LRP6: variants seen among roughly 807,000 people sequenced by gnomAD.
The protein encoded by LRP6 is low-density lipoprotein receptor-related protein 6.
A neutral mutation model predicts 184.1 loss-of-function variants in LRP6; 43 were observed. The observed-to-expected ratio is 0.23, with a 90% CI of 0.18 to 0.30. The LOEUF (loss-of-function observed/expected upper bound fraction) is 0.30, where lower values mean the gene tolerates loss of function less well. Among genes scored for constraint, LRP6 ranks in the 10% least tolerant of loss-of-function variants. The pLI, the probability that LRP6 is intolerant of heterozygous loss-of-function variation, is 1.00. For missense variants in LRP6, 1,571 were observed against 2,005.3 expected (o/e 0.78, Z 4.14); for synonymous variants, 719 against 684.9 (o/e 1.05, Z -0.78).
At chr12:12,221,581 G>T (rs1864490618) in intron 2 of LRP6, among the ~76,000 whole-genome samples, 1 of 152,168 alleles carries the variant, frequency 6.6e-6, no homozygotes, top group South Asian at 2.1e-4. Flanking sequence ...TCTTTCATCA[G>T]AGATTCTGAT....
intron 10 of LRP6, among the ~76,000 whole-genome samples, chr12:12,161,832 C>T (rs1045865373): frequency 2.0e-5 from 3 of 151,558 alleles, no homozygotes; most frequent in South Asian, 2.1e-4. Context: ...AACATTGTTT[C>T]GGTGGGTTTA....
chr12:12,146,501 T>C (rs1282561622), intron 15 of LRP6, among the ~76,000 whole-genome samples: 2 of 152,180 alleles, frequency 1.3e-5, no homozygotes, highest in Non-Finnish European at 2.9e-5. Flanking sequence ...GTAATTATAA[T>C]TACAGACATA....
chr12:12,132,317 T>C (rs912513550), intron 17 of LRP6, among the ~76,000 whole-genome samples: 3 of 152,180 alleles, frequency 2.0e-5, no homozygotes, highest in African/African-American at 7.2e-5. Context: ...AACAGGATTG[T>C]AATATTTGCA....
chr12:12,181,070 C>T lies in LRP6; in HGVS notation c.1346G>A (p.Arg449Gln). The T allele has an allele frequency of 6.2e-7, 1 of 1,614,070 alleles. No individual in the cohort carries two copies. Among genetic ancestry groups the T allele is most frequent in the Non-Finnish European group, 8.5e-7 (1 of 1,179,962 alleles). Residue 449 changes from arginine (R) to glutamine (Q), a missense_variant, in exon 6 of 23, where the codon CGG becomes CAG. Transcript: ENST00000261349. ...ILISEDLEEP[R>Q]AIVLDPMVGY... ...AACCATGGGATCTAACACAATAGCC[C>T]GGGGTTCCTCTAAGTCCTCTGAAAT...
intron 15 of LRP6, among the ~76,000 whole-genome samples, chr12:12,143,265 G>A (rs1949958508): frequency 6.6e-6 from 1 of 152,038 alleles, no homozygotes. Context: ...AGAAATTAAA[G>A]ATCTAAATAA....
intron 3 of LRP6, among the ~76,000 whole-genome samples, chr12:12,198,630 T>C (rs998947741): frequency 5.3e-5 from 8 of 151,312 alleles, no homozygotes; most frequent in African/African-American, 1.5e-4. Flanking sequence ...GCCTCCCGGA[T>C]TCAAGCGATT....
chr12:12,259,089 C>A (rs1405378410), intron 1 of LRP6, among the ~76,000 whole-genome samples: 10 of 152,044 alleles, frequency 6.6e-5, no homozygotes, highest in Non-Finnish European at 1.5e-5. Flanking sequence ...TGGTGAAACC[C>A]CATCTCTACT....
intron 7 of LRP6, among the ~76,000 whole-genome samples, chr12:12,170,969 A>G (rs1366021961): frequency 6.6e-6 from 1 of 152,160 alleles, no homozygotes; most frequent in Non-Finnish European, 1.5e-5. Context: ...GTCAAAAAGG[A>G]AGTATTAAGA....
In LRP6 at chr12:12,125,302, G is replaced by A. The variant is rs748625748; in HGVS notation, c.4443C>T (p.Phe1481=). 2.5e-6 allele frequency: 4 copies of A among 1,613,946 alleles called. No homozygotes were observed. Among genetic ancestry groups the A allele is most frequent in the East Asian group, 4.5e-5 (2 of 44,890 alleles). Residue 1481 remains phenylalanine (F), a synonymous_variant, in exon 21 of 23, where the codon TTC becomes TTT. Transcript: ENST00000261349. The part of the protein sequence containing the change: ...SSSSSTKGTY[F]PAILNPPPSP... ...AGGAAAACAGACTACTTACTGCAGGGAAGTAAGTGCCTTTGGTGCTTGAAG... is the reference window on the plus strand; with the variant it reads ...AGGAAAACAGACTACTTACTGCAGGAAAGTAAGTGCCTTTGGTGCTTGAAG...
At chr12:12,234,090 C>G (rs1464924423) in intron 2 of LRP6, among the ~76,000 whole-genome samples, 1 of 152,112 alleles carries the variant, frequency 6.6e-6, no homozygotes, top group Non-Finnish European at 1.5e-5. Context: ...GAGTTTGAGA[C>G]CAGCCTGACC....
intron 2 of LRP6, among the ~76,000 whole-genome samples, chr12:12,226,124 A>G (rs1396792660): frequency 6.6e-6 from 1 of 152,218 alleles, no homozygotes; most frequent in Non-Finnish European, 1.5e-5. Context: ...AGAACTGAGA[A>G]GCACTTGTGA....
At chr12:12,259,480 A>G (rs1865558206) in intron 1 of LRP6, among the ~76,000 whole-genome samples, 1 of 152,172 alleles carries the variant, frequency 6.6e-6, no homozygotes, top group Non-Finnish European at 1.5e-5. Context: ...TACAGAAACT[A>G]CAAGTTATGA....
intron 2 of LRP6, among the ~76,000 whole-genome samples, chr12:12,235,346 A>T (rs1179068814): frequency 6.6e-6 from 1 of 152,234 alleles, no homozygotes; most frequent in Non-Finnish European, 1.5e-5. Context: ...TTTTACGTAT[A>T]GCAAAGACAC....
At chr12:12,145,550 CCTCT>C (rs1195100965) in intron 15 of LRP6, among the ~76,000 whole-genome samples, 5 of 132,728 alleles carry the variant, frequency 3.8e-5, no homozygotes, top group South Asian at 3.0e-4. Context: ...TCTCTCTTTC[CCTCT>C]CTCTCTTTGT....
intron 2 of LRP6, among the ~76,000 whole-genome samples, chr12:12,238,574 C>T (rs1864980468): frequency 6.6e-6 from 1 of 152,090 alleles, no homozygotes; most frequent in Non-Finnish European, 1.5e-5. Context: ...CAATGCAATA[C>T]AGACTTAATC....
At chr12:12,257,083 T>C (rs1259991842) in intron 1 of LRP6, among the ~76,000 whole-genome samples, 1 of 152,010 alleles carries the variant, frequency 6.6e-6, no homozygotes, top group East Asian at 1.9e-4. Context: ...AGAAAGTAAA[T>C]TCATGGTTAC....
At chr12:12,146,670 T>C (rs1422279279) in intron 15 of LRP6, among the ~76,000 whole-genome samples, 1 of 152,196 alleles carries the variant, frequency 6.6e-6, no homozygotes, top group Non-Finnish European at 1.5e-5. Context: ...TTCCTACAGG[T>C]TATGAAACTA....
At chr12:12,232,705 CAAGAA>C (rs987098682) in intron 2 of LRP6, among the ~76,000 whole-genome samples, 4 of 151,152 alleles carry the variant, frequency 2.6e-5, no homozygotes, top group African/African-American at 9.7e-5. Flanking sequence ...ATATATGACA[CAAGAA>C]AAGACATCAT....
chr12:12,192,345 TACAAAGG>T (rs1863639370), intron 3 of LRP6, among the ~76,000 whole-genome samples: 1 of 145,762 alleles, frequency 6.9e-6, no homozygotes, highest in African/African-American at 2.5e-5. Context: ...ATCTACTTAA[TACAAAGG>T]ACAAAGGAAC....
Sources: gnomAD v4.1 joint callset for allele counts (sites outside exome capture counted in the v4.1 genomes callset) on GRCh38, gnomAD v4.1.1 for gene constraint, MANE v1.5 for transcripts, NCBI Gene and HGNC (gene_info 2026-07-23, HGNC 2026-07-21) for gene names.